The following RIPOR2 variants were observed in gnomAD, a reference collection of about 807,000 sequenced individuals.
The protein encoded by RIPOR2 is rho family-interacting cell polarization regulator 2.
In RIPOR2, 39 loss-of-function variants were observed where a neutral mutation model predicts 114.5. That is an observed-to-expected ratio of 0.34 (90% CI 0.26 to 0.44). The LOEUF (loss-of-function observed/expected upper bound fraction) is 0.44. RIPOR2 is among the 20% of genes least tolerant of loss of function. RIPOR2 has a pLI of 1.00. For synonymous variants in RIPOR2, 445 were observed against 484.4 expected (o/e 0.92, Z 1.07); for missense variants, 1,007 against 1,255.1 (o/e 0.80, Z 2.99).
chr6:24,995,507 C>T (rs1395117019), intron 1 of RIPOR2, among the ~76,000 whole-genome samples: 2 of 152,126 alleles, frequency 1.3e-5, no homozygotes, highest in African/African-American at 4.8e-5. Context: ...CTCAATCCAC[C>T]CCTTCTACAC....
intron 15 of RIPOR2, 67 bp downstream of exon 15, chr6:24,835,636 A>G (rs1229683027): frequency 6.8e-7 from 1 of 1,468,908 alleles, no homozygotes; most frequent in Non-Finnish European, 9.3e-7. Flanking sequence ...ACACTAAAAA[A>G]TGAAAGCACA....
chr6:24,839,162 ATCC>A lies in RIPOR2; in HGVS notation c.1965_1967del (p.Glu655del). 1.3e-6 allele frequency: 2 copies of A among 1,551,718 alleles called. No homozygotes were observed. Among genetic ancestry groups the A allele is most frequent in the Non-Finnish European group, 1.7e-6 (2 of 1,146,984 alleles). Reference sequence around the variant, plus strand: ...CGCCAACATTACAAACCTCATCACCATCCTCCTCCTCGTCAAAATCAGAGGTGT... The same window carrying A: ...CGCCAACATTACAAACCTCATCACCATCCTCCTCGTCAAAATCAGAGGTGT... On this transcript the variant is annotated inframe_deletion, in exon 14 of 22. Coordinates refer to ENST00000643898, the MANE Select transcript of RIPOR2 (RefSeq NM_001286445.3).
At chr6:25,041,958 T>C (rs1196438946) in exon 1 of RIPOR2, 4 of 696,426 alleles carry the variant, frequency 5.7e-6, no homozygotes, top group Non-Finnish European at 1.0e-5. Flanking sequence ...AACCTGCTCA[T>C]GGCAAAGGAA....
intron 1 of RIPOR2, among the ~76,000 whole-genome samples, chr6:25,012,243 T>G (rs1775803873): frequency 6.6e-6 from 1 of 152,220 alleles, no homozygotes; most frequent in African/African-American, 2.4e-5. Flanking sequence ...TTCTTGAGAA[T>G]GTGGAGAAAT....
chr6:24,871,745 CAG>C (rs1471623493), intron 4 of RIPOR2, among the ~76,000 whole-genome samples: 1 of 152,214 alleles, frequency 6.6e-6, no homozygotes, highest in Non-Finnish European at 1.5e-5. Flanking sequence ...ATAGTATAAT[CAG>C]TGCACTATCC....
chr6:24,825,414 T>G lies in RIPOR2; in HGVS notation c.2680A>C (p.Thr894Pro). Reference protein sequence around the residue: ...QLARQVSMVQTLQSLRDEKLL... With the variant: ...QLARQVSMVQPLQSLRDEKLL... ...TTTTCATCTCTTAGTGATTGCAGAG[T>G]CTGAACCATGGAAACTGGAGGGTAA... Residue 894 changes from threonine (T) to proline (P), a missense_variant, in exon 19 of 22, where the codon ACT becomes CCT. By Grantham distance (38) the Thr-to-Pro change is conservative. Coordinates refer to ENST00000643898, the MANE Select transcript of RIPOR2 (RefSeq NM_001286445.3). The G allele has an allele frequency of 6.4e-7, 1 of 1,551,878 alleles. No homozygotes were observed. The highest frequency in any genetic ancestry group is 8.7e-7 in the Non-Finnish European group (1 of 1,146,822).
chr6:24,979,681 C>T (rs1774215448), intron 1 of RIPOR2, among the ~76,000 whole-genome samples: 3 of 152,134 alleles, frequency 2.0e-5, no homozygotes, highest in African/African-American at 7.2e-5. Flanking sequence ...ATAAATGGTC[C>T]ATCTGTCTTC....
chr6:25,001,749 G>C (rs1216997646), intron 1 of RIPOR2, among the ~76,000 whole-genome samples: 3 of 143,224 alleles, frequency 2.1e-5, no homozygotes, highest in Non-Finnish European at 4.6e-5. Context: ...GCCCAGGCTG[G>C]AGTGCAGTGG....
At chr6:24,892,134 C>T (rs909479722) in intron 1 of RIPOR2, among the ~76,000 whole-genome samples, 3 of 152,224 alleles carry the variant, frequency 2.0e-5, no homozygotes, top group South Asian at 2.1e-4. Context: ...GCTGGGATTA[C>T]AGGCGTAAGC....
intron 1 of RIPOR2, among the ~76,000 whole-genome samples, chr6:24,935,610 C>T (rs1470759238): frequency 6.6e-6 from 1 of 152,194 alleles, no homozygotes; most frequent in African/African-American, 2.4e-5. Context: ...TTAGTCATGA[C>T]TTTAAAAAAT....
chr6:25,009,383 T>C (rs1250740075), intron 1 of RIPOR2, among the ~76,000 whole-genome samples: 2 of 152,236 alleles, frequency 1.3e-5, no homozygotes, highest in Non-Finnish European at 2.9e-5. Flanking sequence ...GTTAATTTGG[T>C]CGATTAAACA....
intron 8 of RIPOR2, 126 bp from the exon 9 acceptor site, chr6:24,852,744 TGGGGCCA>T: frequency 1.6e-6 from 1 of 630,988 alleles, no homozygotes; most frequent in Non-Finnish European, 2.6e-6. Context: ...TAACACTTTT[TGGGGCCA>T]TTCCTGGGGA....
At chr6:24,974,290 A>G (rs2113557542) in intron 1 of RIPOR2, among the ~76,000 whole-genome samples, 1 of 152,326 alleles carries the variant, frequency 6.6e-6, no homozygotes, top group South Asian at 2.1e-4. Context: ...GGATCACTTG[A>G]GCCCAGGAGT....
intron 1 of RIPOR2, among the ~76,000 whole-genome samples, chr6:24,930,017 G>A (rs1333355142): frequency 6.6e-6 from 1 of 152,226 alleles, no homozygotes; most frequent in Non-Finnish European, 1.5e-5. Context: ...TGAGGCTGCA[G>A]TGAGCTGCAA....
At chr6:24,818,472 C>T in intron 20 of RIPOR2, 70 bp downstream of exon 20, 1 of 803,556 alleles carries the variant, frequency 1.2e-6, no homozygotes. Flanking sequence ...GAAAGAAAAG[C>T]TGTTATATAC....
intron 1 of RIPOR2, among the ~76,000 whole-genome samples, chr6:25,035,963 T>G (rs573337990): frequency 6.6e-6 from 1 of 152,346 alleles, no homozygotes; most frequent in African/African-American, 2.4e-5. Flanking sequence ...CAGTGAGGAA[T>G]AGCCAGCTGG....
intron 1 of RIPOR2, chr6:25,024,380 G>T: frequency 7.6e-7 from 1 of 1,310,834 alleles, no homozygotes; most frequent in Non-Finnish European, 1.1e-6. Context: ...TGTTGGCCAG[G>T]TAGGCAATGA....
chr6:24,854,639 G>C (rs541801855), intron 8 of RIPOR2, among the ~76,000 whole-genome samples: 1 of 152,054 alleles, frequency 6.6e-6, no homozygotes, highest in African/African-American at 2.4e-5. Context: ...TTTATTGAAG[G>C]AACCAAAATA....
chr6:24,884,294 A>C (rs1193094185), intron 1 of RIPOR2, among the ~76,000 whole-genome samples: 1 of 152,112 alleles, frequency 6.6e-6, no homozygotes, highest in Non-Finnish European at 1.5e-5. Context: ...CTGTAGTCCC[A>C]GCTACTCGGG....
Sources: gnomAD v4.1 joint callset for allele counts (sites outside exome capture counted in the v4.1 genomes callset) on GRCh38, gnomAD v4.1.1 for gene constraint, MANE v1.5 for transcripts, NCBI Gene and HGNC (gene_info 2026-07-23, HGNC 2026-07-21) for gene names.